CFI: variants seen among roughly 807,000 people sequenced by gnomAD.
The protein encoded by CFI is complement factor I.
CFI carries 66 observed loss-of-function variants against 78.8 expected under a neutral mutation model. That is an observed-to-expected ratio of 0.84 (90% confidence interval 0.69 to 1.03). The LOEUF (loss-of-function observed/expected upper bound fraction) is 1.03, where lower values mean the gene tolerates loss of function less well. Ranked by LOEUF, CFI falls within the 50% of genes least tolerant of loss-of-function variation. The probability of loss-of-function intolerance (pLI) is 0.00; values close to 1 mark genes in which losing one functional copy is unlikely to be tolerated. For missense variants in CFI, 706 were observed against 704.5 expected, an observed-to-expected ratio of 1.00 and a Z score of -0.02; for synonymous variants, 250 against 232.6, an observed-to-expected ratio of 1.07 and a Z score of -0.68.
chr4:109,796,937 A>G (rs891103719), intron 1 of CFI, among the ~76,000 whole-genome samples: 1 of 152,250 alleles, frequency 6.6e-6, no homozygotes, highest in African/African-American at 2.4e-5. Flanking sequence ...GCACAAAGAA[A>G]TGGCAAGACA....
At chr4:109,792,102 A>G (rs1312137092) in intron 1 of CFI, among the ~76,000 whole-genome samples, 2 of 152,144 alleles carry the variant, frequency 1.3e-5, no homozygotes, top group Non-Finnish European at 2.9e-5. Context: ...GGTCTATCTT[A>G]GAAATTGTTC....
chr4:109,755,612 G>A (rs142705328), intron 7 of CFI, among the ~76,000 whole-genome samples: 16 of 152,178 alleles, frequency 1.1e-4, no homozygotes, highest in Admixed American at 2.6e-4. Context: ...CTCTTGTTCC[G>A]TTGCTCTCTT....
At chr4:109,766,862 T>C in intron 1 of CFI, 38 bp from the exon 2 acceptor site, 1 of 1,605,810 alleles carries the variant, frequency 6.2e-7, no homozygotes, top group Non-Finnish European at 8.5e-7. Flanking sequence ...TAGCAACAAA[T>C]TAAAGACTCC....
At chr4:109,761,823 T>C (rs1047145209) in intron 3 of CFI, 131 bp from the exon 4 acceptor site, 5 of 749,108 alleles carry the variant, frequency 6.7e-6, no homozygotes, top group Admixed American at 2.1e-5. Flanking sequence ...TTGGGCAAGA[T>C]ACCGAAACTC....
chr4:109,795,184 C>T (rs927281258), intron 1 of CFI, among the ~76,000 whole-genome samples: 1 of 152,164 alleles, frequency 6.6e-6, no homozygotes, highest in Non-Finnish European at 1.5e-5. Context: ...TGCTCCTGGG[C>T]ACTGGCATCA....
At chr4:109,781,210 A>T (rs1023175776) in intron 1 of CFI, among the ~76,000 whole-genome samples, 1 of 152,192 alleles carries the variant, frequency 6.6e-6, no homozygotes, top group Non-Finnish European at 1.5e-5. Flanking sequence ...TTAAAGATAA[A>T]TGAAACAAGA....
intron 8 of CFI, among the ~76,000 whole-genome samples, chr4:109,751,429 G>A (rs1725117284): frequency 7.0e-6 from 1 of 143,614 alleles, no homozygotes; most frequent in African/African-American, 2.5e-5. Flanking sequence ...ATAGCTTCGA[G>A]AGCTAAATCT....
the CFI span, among the ~76,000 whole-genome samples, chr4:109,733,229 T>C: frequency 1.3e-5 from 2 of 152,186 alleles, no homozygotes; most frequent in Non-Finnish European, 2.9e-5. Context: ...TGCCTTGGCC[T>C]CCCAAAGTGC....
chr4:109,781,815 T>C (rs749996685), intron 1 of CFI, among the ~76,000 whole-genome samples: 1 of 152,082 alleles, frequency 6.6e-6, no homozygotes, highest in Non-Finnish European at 1.5e-5. Context: ...TCTACCATGA[T>C]CAAGTAGGCT....
At chr4:109,777,503 A>G (rs1729412258) in intron 1 of CFI, among the ~76,000 whole-genome samples, 1 of 152,018 alleles carries the variant, frequency 6.6e-6, no homozygotes, top group Non-Finnish European at 1.5e-5. Flanking sequence ...AGACCTACAA[A>G]GAGACTTAGA....
At position 109,766,534 on chromosome 4, in the gene CFI, G is replaced by GA. The variant is rs749798490; in HGVS notation, c.328+19dup. 1 of 1,613,556 alleles carries GA rather than the reference G, an allele frequency of 6.2e-7. No individual in the cohort carries two copies. The highest frequency in any genetic ancestry group is 1.7e-5 in the Admixed American group (1 of 60,018). On this transcript the variant is annotated intron_variant, in intron 2 of 12. Transcript: ENST00000394634. ...ACCCTTTTATATCATAGAATGACTTGAAAACTAGTCTCTTGCTACCTTCGG... is the reference window on the plus strand; with the variant it reads ...ACCCTTTTATATCATAGAATGACTTGAAAAACTAGTCTCTTGCTACCTTCGG...
At chr4:109,738,104 G>C (rs1193158164), downstream of CFI, among the ~76,000 whole-genome samples, 4 of 134,878 alleles carry the variant, frequency 3.0e-5, no homozygotes, top group Admixed American at 3.5e-4. Context: ...TAGCACTGGA[G>C]TACTTTTCTT....
intron 12 of CFI, chr4:109,741,348 C>T (rs887423529): frequency 2.0e-6 from 2 of 985,310 alleles, no homozygotes; most frequent in Admixed American, 6.1e-5. Context: ...GTGTTCTCTA[C>T]TTTATACGAC....
intron 1 of CFI, among the ~76,000 whole-genome samples, chr4:109,789,604 C>G (rs1174648038): frequency 6.6e-6 from 1 of 152,012 alleles, no homozygotes; most frequent in African/African-American, 2.4e-5. Flanking sequence ...AAAAGAACAA[C>G]CTTTTTAGAC....
downstream of CFI, among the ~76,000 whole-genome samples, chr4:109,737,712 T>C (rs71603042): frequency 5.1e-3 from 770 of 152,326 alleles, 4 homozygotes; most frequent in Non-Finnish European, 7.9e-3. Flanking sequence ...TGCAGTGTGG[T>C]CTGTGAGCGT....
chr4:109,787,339 C>T (rs547040425), intron 1 of CFI, among the ~76,000 whole-genome samples: 10 of 152,154 alleles, frequency 6.6e-5, no homozygotes, highest in Admixed American at 4.6e-4. Flanking sequence ...GTTTTAGGCC[C>T]CCTGTGGCCT....
At chr4:109,733,446 C>A in the CFI span, among the ~76,000 whole-genome samples, 1 of 152,218 alleles carries the variant, frequency 6.6e-6, no homozygotes, top group African/African-American at 2.4e-5. Flanking sequence ...GTCTTTCCTG[C>A]TAGAGAGTGG....
intron 7 of CFI, among the ~76,000 whole-genome samples, chr4:109,753,874 T>C (rs1170697603): frequency 3.8e-4 from 36 of 95,800 alleles, no homozygotes; most frequent in African/African-American, 1.6e-3. Context: ...AATGTATAAT[T>C]TTATATTATA....
chr4:109,757,644 G>C (rs1038352479), intron 7 of CFI, 119 bp downstream of exon 7: 1 of 666,758 alleles, frequency 1.5e-6, no homozygotes, highest in Non-Finnish European at 2.6e-6. Flanking sequence ...TTCAGGCTGG[G>C]TTATTACTAA....
Sources: allele counts gnomAD v4.1 joint callset (sites outside exome capture counted in the v4.1 genomes callset), GRCh38; gene constraint gnomAD v4.1.1; transcripts MANE v1.5; gene names NCBI Gene and HGNC (gene_info 2026-07-23, HGNC 2026-07-21).